IGFBP5: variants seen among roughly 807,000 people sequenced by gnomAD.
The protein encoded by IGFBP5 is insulin like growth factor binding protein 5.
Under a neutral mutation model 28.0 loss-of-function variants are expected in IGFBP5, and 12 were observed. The ratio of observed to expected loss-of-function variants is 0.43; its 90% CI spans 0.27 to 0.69. The LOEUF (loss-of-function observed/expected upper bound fraction) is 0.69, where lower values mean the gene tolerates loss of function less well. Among genes scored for constraint, IGFBP5 ranks in the 30% least tolerant of loss-of-function variants. IGFBP5 has a pLI of 0.20. For synonymous variants in IGFBP5, 152 were observed against 150.2 expected, an observed-to-expected ratio of 1.01 and a Z score of -0.09; for missense variants, 344 against 381.6, an observed-to-expected ratio of 0.90 and a Z score of 0.82.
In IGFBP5 at chr2:216,674,963, G is replaced by A. The variant is rs1169499050; in HGVS notation, c.*1788C>T. On this transcript the variant is annotated 3_prime_UTR_variant, in exon 4 of 4. Transcript: ENST00000233813. The surrounding 1 kb of genome is among the most constrained non-coding windows in gnomAD (Gnocchi z 4.4). Reference sequence around the variant, plus strand: ...TTCTAAAGTCTAGCACCCTCCTAAAGTTACTCACCTTCCCTGGCTCTGCGG... The same window carrying A: ...TTCTAAAGTCTAGCACCCTCCTAAAATTACTCACCTTCCCTGGCTCTGCGG... 6.6e-6 allele frequency: 1 copy of A among 152,152 alleles called. No individual in the cohort carries two copies. Among genetic ancestry groups the A allele is most frequent in the African/African-American group, 2.4e-5 (1 of 41,420 alleles). The allele number at this position is 152,152 out of a possible 1,614,324, so 9.4% of individuals were successfully genotyped here.
intron 1 of IGFBP5, among the ~76,000 whole-genome samples, chr2:216,680,576 G>A (rs1025064691): frequency 2.0e-5 from 3 of 152,214 alleles, no homozygotes; most frequent in Non-Finnish European, 4.4e-5. Context: ...AAGCACCCAA[G>A]CATCTGTTTC....
intron 1 of IGFBP5, among the ~76,000 whole-genome samples, chr2:216,684,595 C>T (rs1689014070): frequency 6.6e-6 from 1 of 152,140 alleles, no homozygotes; most frequent in Non-Finnish European, 1.5e-5. Context: ...AATCTCTCTA[C>T]AAAGAATGAA....
At position 216,679,083 on chromosome 2, in the gene IGFBP5, CAGG is replaced by C. The variant is rs1559186364; in HGVS notation, c.338-7_338-5del. On this transcript the variant is annotated splice_polypyrimidine_tract_variant and splice_region_variant and intron_variant, in intron 1 of 3. Coordinates refer to ENST00000233813, the MANE Select transcript of IGFBP5 (RefSeq NM_000599.4). This position sits in a 1 kb window ranked among gnomAD's most constrained non-coding sequence, Gnocchi z 4.6. ...TCGTGCTCACGGGAGTCTCTCTCTG[CAGG>C]AGAAGGAGCCGGAGGGTCAGCCCCC... is the stretch of plus-strand genomic sequence containing the variant. 2 of 1,613,530 alleles carry C rather than the reference CAGG, an allele frequency of 1.2e-6. No homozygotes were observed. Among genetic ancestry groups the C allele is most frequent in the Non-Finnish European group, 1.7e-6 (2 of 1,179,472 alleles).
chr2:216,690,857 T>G (rs1005417750), intron 1 of IGFBP5, among the ~76,000 whole-genome samples: 1 of 120,320 alleles, frequency 8.3e-6, no homozygotes, highest in African/African-American at 3.1e-5. Flanking sequence ...CAGTCTGAGC[T>G]GACACAGCAG....
At chr2:216,678,728 A>C in intron 2 of IGFBP5, 122 bp downstream of exon 2, 1 of 772,860 alleles carries the variant, frequency 1.3e-6, no homozygotes, top group Admixed American at 2.5e-5. Context: ...AAGCTGAGCC[A>C]CATGGTGGGC....
Position 216,676,869 on chromosome 2 carries a change from C to A in IGFBP5, c.701G>T (p.Arg234Leu). 1.2e-6 allele frequency: 2 copies of A among 1,614,050 alleles called. No individual in the cohort carries two copies. Among genetic ancestry groups the A allele is most frequent in the Non-Finnish European group, 1.7e-6 (2 of 1,179,976 alleles). Residue 234 changes from arginine (R) to leucine (L), a missense_variant, in exon 4 of 4, where the codon CGT becomes CTT. Arg to Leu is a moderately radical substitution (Grantham distance 102). Coordinates refer to ENST00000233813, the MANE Select transcript of IGFBP5 (RefSeq NM_000599.4). ...FYKRKQCKPSRGRKRGICWCV... is the reference protein window; with the variant it reads ...FYKRKQCKPSLGRKRGICWCV... ...CCAGCAGATGCCACGTTTGCGGCCA[C>A]GGGAAGGTTTGCACTGGGGTGAGTA...
chr2:216,694,216 A>C lies in IGFBP5; in HGVS notation c.337+223T>G, dbSNP rs1172544110. Among the ~76,000 whole-genome samples the C allele has an allele frequency of 6.6e-6, 1 of 151,954 alleles. No individual in the cohort carries two copies. Among genetic ancestry groups the C allele is most frequent in the Non-Finnish European group, 1.5e-5 (1 of 67,980 alleles). ...AGGGGGCGGGCAACGTGTGGGTAGGAGGAAGGAGAAAGAGCGAAAGCTGGG... is the reference window on the plus strand; with the variant it reads ...AGGGGGCGGGCAACGTGTGGGTAGGCGGAAGGAGAAAGAGCGAAAGCTGGG... On this transcript the variant is annotated intron_variant, in intron 1 of 3. Coordinates refer to ENST00000233813, the MANE Select transcript of IGFBP5 (RefSeq NM_000599.4). This position sits in a 1 kb window ranked among gnomAD's most constrained non-coding sequence, Gnocchi z 5.2.
rs1263356835 is a variant in IGFBP5 at position 216,679,311 on chromosome 2, C to A, written c.338-232G>T. ...CTTGGAGTCAAGCAGAGAGTGCAGGCAGGGAGGCTTCACAGAGGAGGAGAA... is the reference window on the plus strand; with the variant it reads ...CTTGGAGTCAAGCAGAGAGTGCAGGAAGGGAGGCTTCACAGAGGAGGAGAA... On this transcript the variant is annotated intron_variant, in intron 1 of 3. Coordinates refer to ENST00000233813, the MANE Select transcript of IGFBP5 (RefSeq NM_000599.4). This position sits in a 1 kb window ranked among gnomAD's most constrained non-coding sequence, Gnocchi z 4.6. 7 of 576,270 alleles carry A rather than the reference C, an allele frequency of 1.2e-5. No individual in the cohort carries two copies. Among genetic ancestry groups the A allele is most frequent in the Non-Finnish European group, 1.9e-5 (6 of 317,090 alleles). The allele number at this position is 576,270 out of a possible 1,614,324, so 35.7% of individuals were successfully genotyped here. A position where few individuals can be genotyped will look rare whatever the true frequency, so the allele number is the denominator to read the frequency against.
rs2241196 is a variant in IGFBP5 at position 216,674,538 on chromosome 2, C to T, written c.*2213G>A. 8,987 of 152,322 alleles carry T rather than the reference C, an allele frequency of 0.059. 384 individuals are homozygous for T. Among genetic ancestry groups the T allele is most frequent in the African/African-American group, 0.11 (4,444 of 41,514 alleles). The allele number at this position is 152,322 out of a possible 1,614,324, so 9.4% of individuals were successfully genotyped here. A position where few individuals can be genotyped will look rare whatever the true frequency, so the allele number is the denominator to read the frequency against. ...GTAGCCCCAAATTCGTTGTTGGAGG[C>T]GGTCTCCGCTGTGTCATGCCATGAG... On this transcript the variant is annotated 3_prime_UTR_variant, in exon 4 of 4. Transcript: ENST00000233813. The surrounding 1 kb of genome is among the most constrained non-coding windows in gnomAD (Gnocchi z 4.4).
rs1289132353 is a variant in IGFBP5, at chr2:216,679,039, C to T, written c.378G>A (p.Glu126=). 6.8e-6 allele frequency: 11 copies of T among 1,614,150 alleles called. No homozygotes were observed. The highest frequency in any genetic ancestry group is 8.5e-6 in the Non-Finnish European group (10 of 1,180,040). The part of the protein sequence containing the change: ...SREHEEPTTS[E]MAEETYSPKI... ...TGGGGGAGTAGGTCTCCTCGGCCATCTCAGAGGTGGTGGGCTCCTCGTGCT... is the reference window on the plus strand; with the variant it reads ...TGGGGGAGTAGGTCTCCTCGGCCATTTCAGAGGTGGTGGGCTCCTCGTGCT... Residue 126 remains glutamate (E), a synonymous_variant, in exon 2 of 4, where the codon GAG becomes GAA. Transcript: ENST00000233813. This position sits in a 1 kb window ranked among gnomAD's most constrained non-coding sequence, Gnocchi z 4.6.
chr2:216,676,818 A>G lies in IGFBP5; in HGVS notation c.752T>C (p.Leu251Pro). The stretch of plus-strand genomic sequence containing the variant: ...CCCGTCAACGTACTCCATGCCTGGC[A>G]GCTTCATCCCGTACTTGTCCACGCA... Reference protein sequence around the residue: ...CWCVDKYGMKLPGMEYVDGDF... With the variant: ...CWCVDKYGMKPPGMEYVDGDF... Residue 251 changes from leucine (L) to proline (P), a missense_variant, in exon 4 of 4, where the codon CTG becomes CCG. Transcript: ENST00000233813. 6.2e-7 allele frequency: 1 copy of G among 1,614,032 alleles called. No homozygotes were observed. Among genetic ancestry groups the G allele is most frequent in the East Asian group, 2.2e-5 (1 of 44,866 alleles).
intron 1 of IGFBP5, among the ~76,000 whole-genome samples, chr2:216,680,029 G>C (rs1175705740): frequency 6.6e-6 from 1 of 152,072 alleles, no homozygotes; most frequent in African/African-American, 2.4e-5. Context: ...CCTAAATTCT[G>C]ATCTCATAGG....
In IGFBP5 at chr2:216,672,562, C is replaced by T. The variant is rs1455137127; in HGVS notation, c.*4189G>A. ...AAAACAACAACAACAACAACGAAAACAACCGGTAGGCAACTCGGAATCTGA... is the reference window on the plus strand; with the variant it reads ...AAAACAACAACAACAACAACGAAAATAACCGGTAGGCAACTCGGAATCTGA... On this transcript the variant is annotated 3_prime_UTR_variant, in exon 4 of 4. Coordinates refer to ENST00000233813, the MANE Select transcript of IGFBP5 (RefSeq NM_000599.4). The T allele has an allele frequency of 6.6e-6, 1 of 152,178 alleles. No homozygotes were observed. The highest frequency in any genetic ancestry group is 1.5e-5 in the Non-Finnish European group (1 of 67,924). The allele number at this position is 152,178 out of a possible 1,614,324, so 9.4% of individuals were successfully genotyped here.
rs1377507149 is a variant in IGFBP5 at position 216,692,204 on chromosome 2, GGGC to G, written c.337+2232_337+2234del. Among the ~76,000 whole-genome samples, 1 of 152,162 alleles carries G rather than the reference GGGC, an allele frequency of 6.6e-6. No homozygotes were observed. The highest frequency in any genetic ancestry group is 1.5e-5 in the Non-Finnish European group (1 of 68,026). Reference sequence around the variant, plus strand: ...CGCCAACCCGCAACAGCAGCCGGCCGGGCACCTGCCTTCGGCGGGGTGGAGTCG... The same window carrying G: ...CGCCAACCCGCAACAGCAGCCGGCCGACCTGCCTTCGGCGGGGTGGAGTCG... On this transcript the variant is annotated intron_variant, in intron 1 of 3. Coordinates refer to ENST00000233813, the MANE Select transcript of IGFBP5 (RefSeq NM_000599.4). The surrounding 1 kb of genome is among the most constrained non-coding windows in gnomAD (Gnocchi z 4.2).
At chr2:216,690,441 T>A (rs572959357) in intron 1 of IGFBP5, among the ~76,000 whole-genome samples, 1 of 152,220 alleles carries the variant, frequency 6.6e-6, no homozygotes, top group Non-Finnish European at 1.5e-5. Flanking sequence ...AAAAGTTTCA[T>A]AGGCATTGCT....
Position 216,675,273 on chromosome 2 carries a change from C to T in IGFBP5, c.*1478G>A, listed in dbSNP as rs562747121. On this transcript the variant is annotated 3_prime_UTR_variant, in exon 4 of 4. Transcript: ENST00000233813. ...CCTCTGCCATCTCTTACTTCAGTCT[C>T]CCTCCTGCTCTGCCAGCATGGAGAG... The T allele has an allele frequency of 1.3e-5, 2 of 152,620 alleles. No homozygotes were observed. Among genetic ancestry groups the T allele is most frequent in the Non-Finnish European group, 2.9e-5 (2 of 68,086 alleles). The allele number at this position is 152,620 out of a possible 1,614,324, so 9.5% of individuals were successfully genotyped here.
At chr2:216,680,192 G>A (rs888915430) in intron 1 of IGFBP5, among the ~76,000 whole-genome samples, 20 of 152,130 alleles carry the variant, frequency 1.3e-4, no homozygotes, top group Non-Finnish European at 2.5e-4. Context: ...GTGAGTGGAG[G>A]TGGGGGGCCC....
chr2:216,687,248 T>TA (rs1689042957), intron 1 of IGFBP5, among the ~76,000 whole-genome samples: 1 of 152,162 alleles, frequency 6.6e-6, no homozygotes, highest in African/African-American at 2.4e-5. Context: ...CGTCTCCACT[T>TA]AGAGAGCTCC....
At chr2:216,685,331 A>G (rs1156504954) in intron 1 of IGFBP5, among the ~76,000 whole-genome samples, 1 of 152,180 alleles carries the variant, frequency 6.6e-6, no homozygotes, top group Admixed American at 6.5e-5. Context: ...GGCTATTTAA[A>G]TAAATATTAA....
Sources: gnomAD v4.1 joint callset for allele counts (sites outside exome capture counted in the v4.1 genomes callset) on GRCh38, gnomAD v4.1.1 for gene constraint, Gnocchi (gnomAD v3.1) non-coding constraint, MANE v1.5 for transcripts, NCBI Gene and HGNC (gene_info 2026-07-23, HGNC 2026-07-21) for gene names.